DMXL2: variants seen among roughly 807,000 people sequenced by gnomAD.
The protein encoded by DMXL2 is Dmx like 2, also known as dmX-like protein 2.
A neutral mutation model predicts 331.1 loss-of-function variants in DMXL2; 103 were observed. The observed-to-expected ratio is 0.31, with a 90% CI of 0.27 to 0.37. DMXL2 has a LOEUF of 0.37. Among genes scored for constraint, DMXL2 ranks in the 10% least tolerant of loss-of-function variants. The pLI is 1.00. For synonymous variants in DMXL2, 1,281 were observed against 1,252.1 expected (o/e 1.02, Z -0.49); for missense variants, 3,171 against 3,642.9 (o/e 0.87, Z 3.33).
chr15:51,538,218 T>A lies in DMXL2; in HGVS notation c.1340A>T (p.Asp447Val). Residue 447 changes from aspartate (D) to valine (V), a missense_variant, in exon 10 of 44, where the codon GAC becomes GTC. This residue lies in a region of DMXL2 where 1,674 missense variants were observed against 1,780.2 expected (regional missense o/e 0.94). Transcript: ENST00000560891. ...DRERGLHMKL[D>V]HDLSLDRESE... is the part of the protein sequence containing the mutation. Reference sequence around the variant, plus strand: ...TCTGAACACAGGATACTAACCATGGTCTAATTTCATATGTAAACCCCGTTC... The same window carrying A: ...TCTGAACACAGGATACTAACCATGGACTAATTTCATATGTAAACCCCGTTC... The A allele has an allele frequency of 6.2e-7, 1 of 1,612,126 alleles. No homozygotes were observed. Among genetic ancestry groups the A allele is most frequent in the Non-Finnish European group, 8.5e-7 (1 of 1,178,872 alleles).
chr15:51,528,975 A>T (rs978638591), intron 13 of DMXL2, among the ~76,000 whole-genome samples: 14 of 152,216 alleles, frequency 9.2e-5, no homozygotes, highest in African/African-American at 2.9e-4. Context: ...CTATACGAAC[A>T]TATGGAAATT....
At chr15:51,543,487 A>G (rs2140921340) in intron 8 of DMXL2, among the ~76,000 whole-genome samples, 1 of 152,290 alleles carries the variant, frequency 6.6e-6, no homozygotes, top group East Asian at 1.9e-4. Context: ...TAGGGTTAAG[A>G]TTGACATTAG....
At chr15:51,529,691 A>G (rs948981813) in intron 13 of DMXL2, among the ~76,000 whole-genome samples, 15 of 152,186 alleles carry the variant, frequency 9.9e-5, no homozygotes, top group Non-Finnish European at 1.5e-5. Context: ...AAAAGGAACG[A>G]ATACCAATCC....
Position 51,565,088 on chromosome 15 carries a change from C to A in DMXL2, c.364G>T (p.Asp122Tyr). 1.3e-6 allele frequency: 2 copies of A among 1,516,202 alleles called. No homozygotes were observed. The highest frequency in any genetic ancestry group is 1.4e-5 in the South Asian group (1 of 72,324). 93.9% of individuals were successfully genotyped at this position (1,516,202 alleles called of 1,614,324 possible). Residue 122 changes from aspartate (D) to tyrosine (Y), a missense_variant and splice_region_variant, in exon 4 of 44, where the codon GAT becomes TAT. Asp to Tyr is a radical substitution (Grantham distance 160). Coordinates refer to ENST00000560891, the MANE Select transcript of DMXL2 (RefSeq NM_001378457.1). Reference sequence around the variant, plus strand: ...AATTTTAAATACAATTGCTAAATACCTTGAGGATCCCATGCTAAGTTGTAT... The same window carrying A: ...AATTTTAAATACAATTGCTAAATACATTGAGGATCCCATGCTAAGTTGTAT... ...VTYNLAWDPQ[D>Y]NRLLTATDSI...
At position 51,453,630 on chromosome 15, in the gene DMXL2, G is replaced by A; in HGVS notation, c.8616C>T (p.Cys2872=). The change falls in exon 41 of 44, where the codon TGC becomes TGT. Residue 2872 remains cysteine, a synonymous_variant. Coordinates refer to ENST00000560891, the MANE Select transcript of DMXL2 (RefSeq NM_001378457.1). ...CAAAGTCACTTGTGGCTTTACTGTG[G>A]CACTGCCAACTCTACGAAAAACAAA... ...SNPKPYMSWQ[C]HSKATSDFAF... 1 of 1,613,136 alleles carries A rather than the reference G, an allele frequency of 6.2e-7. No individual in the cohort carries two copies. Among genetic ancestry groups the A allele is most frequent in the African/African-American group, 1.3e-5 (1 of 74,968 alleles).
chr15:51,475,147 CT>C (rs1311633170), intron 27 of DMXL2, among the ~76,000 whole-genome samples: 10 of 152,146 alleles, frequency 6.6e-5, no homozygotes, highest in Non-Finnish European at 1.3e-4. Flanking sequence ...AAAGACACAT[CT>C]TTTTTGTGGT....
intron 13 of DMXL2, among the ~76,000 whole-genome samples, chr15:51,530,786 A>C (rs2047956626): frequency 6.6e-6 from 1 of 152,074 alleles, no homozygotes; most frequent in African/African-American, 2.4e-5. Flanking sequence ...AATCTCATTT[A>C]CAATAGCCAT....
chr15:51,477,835 T>C (rs943563706), intron 26 of DMXL2, among the ~76,000 whole-genome samples: 2 of 152,090 alleles, frequency 1.3e-5, no homozygotes, highest in Non-Finnish European at 2.9e-5. Context: ...TGTAAATGGG[T>C]AGGTAAAAGT....
At chr15:51,509,370 G>A (rs1476947541) in intron 15 of DMXL2, among the ~76,000 whole-genome samples, 2 of 151,786 alleles carry the variant, frequency 1.3e-5, no homozygotes, top group Non-Finnish European at 2.9e-5. Context: ...AATGATAAAG[G>A]GGCTATCATC....
intron 16 of DMXL2, 39 bp from the exon 17 acceptor site, chr15:51,503,072 A>G: frequency 7.8e-7 from 1 of 1,284,366 alleles, no homozygotes; most frequent in East Asian, 2.5e-5. Context: ...ATGTATGTAT[A>G]TCATTACTAT....
At chr15:51,517,372 C>T (rs1422954102) in intron 13 of DMXL2, among the ~76,000 whole-genome samples, 1 of 152,168 alleles carries the variant, frequency 6.6e-6, no homozygotes, top group Non-Finnish European at 1.5e-5. Context: ...ATAATGTTTA[C>T]AAAAATAGCA....
Position 51,542,327 on chromosome 15 carries a change from C to A in DMXL2, c.1105+6G>T, listed in dbSNP as rs776196335. ...TATTTATGGGAAATAAAACTTTATC[C>A]TTTACCTGTGGCAGGGTTGATGCTT... On this transcript the variant is annotated splice_donor_region_variant and intron_variant, in intron 9 of 43. Transcript: ENST00000560891. The A allele has an allele frequency of 1.2e-6, 2 of 1,610,816 alleles. No homozygotes were observed. Among genetic ancestry groups the A allele is most frequent in the Non-Finnish European group, 1.7e-6 (2 of 1,177,942 alleles).
intron 2 of DMXL2, among the ~76,000 whole-genome samples, chr15:51,569,931 G>A (rs1279726792): frequency 6.6e-6 from 1 of 152,100 alleles, no homozygotes; most frequent in Non-Finnish European, 1.5e-5. Flanking sequence ...AAAACTGGAT[G>A]GAGAATGACT....
intron 1 of DMXL2, among the ~76,000 whole-genome samples, chr15:51,613,621 T>C (rs1407915689): frequency 2.0e-5 from 3 of 152,246 alleles, no homozygotes; most frequent in South Asian, 4.1e-4. Flanking sequence ...ACTGTTGGAA[T>C]TATAACTTTT....
At chr15:51,610,322 G>T (rs2053875605) in intron 1 of DMXL2, among the ~76,000 whole-genome samples, 1 of 152,164 alleles carries the variant, frequency 6.6e-6, no homozygotes, top group Non-Finnish European at 1.5e-5. Context: ...ATTTATAGTA[G>T]ATTTTAACAC....
Position 51,524,302 on chromosome 15 carries a change from T to A in DMXL2, c.2437-7135A>T, listed in dbSNP as rs531288067. On this transcript the variant is annotated intron_variant, in intron 13 of 43. Transcript: ENST00000560891. ...TAATTTTCTTGATTCCTCAACTTGA[T>A]AAAGAGTATCTACAAATAACCCAAC... 1.4e-3 allele frequency among the ~76,000 whole-genome samples: 213 copies of A among 152,278 alleles called. 1 individual carries two copies. The highest frequency in any genetic ancestry group is 4.9e-3 in the African/African-American group (205 of 41,544).
At chr15:51,508,946 G>A (rs537416643) in intron 15 of DMXL2, among the ~76,000 whole-genome samples, 20 of 152,274 alleles carry the variant, frequency 1.3e-4, no homozygotes, top group African/African-American at 4.6e-4. Flanking sequence ...AAGAAGCCAT[G>A]AGATAAAGAC....
rs1394704606 is a variant in DMXL2 at position 51,448,194 on chromosome 15, C to A, written c.*790G>T. The A allele has an allele frequency of 1.3e-5, 2 of 152,586 alleles. No homozygotes were observed. 9.5% of individuals were successfully genotyped at this position (152,586 alleles called of 1,614,324 possible). On this transcript the variant is annotated 3_prime_UTR_variant, in exon 44 of 44. Transcript: ENST00000560891. ...TCTATTGGTGTAGTTTCAACATATC[C>A]TTAAATGTTTGGGTGTTTAACCTTG...
In DMXL2 at chr15:51,498,953, T is replaced by A; in HGVS notation, c.4271A>T (p.Asp1424Val). Residue 1424 changes from aspartate to valine, a missense_variant, in exon 18 of 44, where the codon GAT becomes GTT. Asp to Val is a radical substitution (Grantham distance 152, BLOSUM62 -3). Transcript: ENST00000560891. ...ATATAGTGGTAGTGGAGGGATAGAA[T>A]CTATCTCAGTATAATCTCGAGTACC... The part of the protein sequence containing the change: ...KDGTRDYTEI[D>V]SIPPLPLYAL... The A allele has an allele frequency of 6.2e-7, 1 of 1,614,098 alleles. No homozygotes were observed. Among genetic ancestry groups the A allele is most frequent in the Non-Finnish European group, 8.5e-7 (1 of 1,180,008 alleles).
Sources: allele counts gnomAD v4.1 joint callset (sites outside exome capture counted in the v4.1 genomes callset), GRCh38; gene constraint gnomAD v4.1.1; regional missense constraint gnomAD v4.1.1; transcripts MANE v1.5; gene names NCBI Gene and HGNC (gene_info 2026-07-23, HGNC 2026-07-21).